Variants in CTNNA2 observed in about 807,000 individuals in gnomAD.
CTNNA2 encodes the protein catenin alpha-2.
Under a neutral mutation model 101.0 loss-of-function variants are expected in CTNNA2, and 42 were observed. The observed-to-expected ratio is 0.42, with a 90% CI of 0.32 to 0.54. The LOEUF (loss-of-function observed/expected upper bound fraction) is 0.54. Ranked by LOEUF, CTNNA2 falls within the 20% of genes least tolerant of loss-of-function variation. The pLI is 0.14. For synonymous variants in CTNNA2, 450 were observed against 456.4 expected (o/e 0.99, Z 0.18); for missense variants, 871 against 1,223.1 (o/e 0.71, Z 4.29).
intron 7 of CTNNA2, among the ~76,000 whole-genome samples, chr2:80,097,487 G>A (rs896142311): frequency 2.0e-5 from 3 of 152,006 alleles, no homozygotes; most frequent in East Asian, 1.9e-4. Context: ...ATGTGTCTTG[G>A]AGTTGCTCTT....
At chr2:80,065,770 A>C (rs1453832123) in intron 7 of CTNNA2, among the ~76,000 whole-genome samples, 1 of 152,194 alleles carries the variant, frequency 6.6e-6, no homozygotes, top group Non-Finnish European at 1.5e-5. Flanking sequence ...CTCACAAAGC[A>C]TCAGCTATCA....
chr2:79,633,538 G>T (rs1679829214), intron 1 of CTNNA2, among the ~76,000 whole-genome samples: 1 of 152,232 alleles, frequency 6.6e-6, no homozygotes. Context: ...ATATTTGAAT[G>T]AGCTGTGATT....
intron 7 of CTNNA2, among the ~76,000 whole-genome samples, chr2:79,990,153 G>A (rs1175605625): frequency 6.6e-6 from 1 of 152,150 alleles, no homozygotes; most frequent in African/African-American, 2.4e-5. Flanking sequence ...GGGATGGCAG[G>A]TAGATTTAGA....
At chr2:80,108,915 A>G (rs1356998010) in intron 7 of CTNNA2, among the ~76,000 whole-genome samples, 1 of 151,286 alleles carries the variant, frequency 6.6e-6, no homozygotes, top group Non-Finnish European at 1.5e-5. Flanking sequence ...TAAACAAAAC[A>G]CACACCAGTT....
chr2:80,111,479 T>A (rs1701205251), intron 7 of CTNNA2, among the ~76,000 whole-genome samples: 1 of 152,224 alleles, frequency 6.6e-6, no homozygotes, highest in South Asian at 2.1e-4. Context: ...TTTACTTATA[T>A]ATAGAATGTG....
intron 7 of CTNNA2, among the ~76,000 whole-genome samples, chr2:80,043,129 C>CT (rs1558755365): frequency 1.9e-4 from 7 of 37,250 alleles, no homozygotes; most frequent in African/African-American, 7.4e-4. Flanking sequence ...CTCCTTCCTT[C>CT]CTTCCTTCCT....
intron 4 of CTNNA2, among the ~76,000 whole-genome samples, chr2:79,496,120 A>C (rs564003486): frequency 6.6e-6 from 1 of 152,278 alleles, no homozygotes; most frequent in African/African-American, 2.4e-5. Flanking sequence ...ATTGAATTGT[A>C]TACTTTAAAT....
At chr2:80,385,191 G>A (rs1353177476) in intron 7 of CTNNA2, among the ~76,000 whole-genome samples, 1 of 152,118 alleles carries the variant, frequency 6.6e-6, no homozygotes, top group Non-Finnish European at 1.5e-5. Context: ...AACCTCCAAT[G>A]TGATGGTATT....
chr2:79,776,436 C>T (rs190804501), intron 3 of CTNNA2, among the ~76,000 whole-genome samples: 2 of 152,226 alleles, frequency 1.3e-5, no homozygotes, highest in East Asian at 3.9e-4. Flanking sequence ...TAGAAAGCTA[C>T]ACTGAAGGTT....
chr2:79,902,515 A>G (rs906865191), intron 6 of CTNNA2, among the ~76,000 whole-genome samples: 5 of 152,172 alleles, frequency 3.3e-5, no homozygotes, highest in Non-Finnish European at 5.9e-5. Context: ...TCATATACTT[A>G]TAATCAACCT....
Position 79,220,634 on chromosome 2 carries a change from A to G in CTNNA2, c.-406+22558A>G, listed in dbSNP as rs190553518. Among the ~76,000 whole-genome samples, 316 of 152,294 alleles carry G rather than the reference A, an allele frequency of 2.1e-3. 1 individual carries two copies. Among genetic ancestry groups the G allele is most frequent in the African/African-American group, 7.4e-3 (309 of 41,548 alleles). On this transcript the variant is annotated intron_variant, in intron 2 of 21. Coordinates refer to the CTNNA2 transcript ENST00000466387. ...ATGGGCATTGTACATTCTCTACATG[A>G]CAAGGTATTCTACTTTGGTAGAAAA... is the stretch of plus-strand genomic sequence containing the variant.
chr2:80,281,723 G>C (rs1674396267), intron 7 of CTNNA2, among the ~76,000 whole-genome samples: 1 of 151,920 alleles, frequency 6.6e-6, no homozygotes, highest in Non-Finnish European at 1.5e-5. Flanking sequence ...CAGTTGTATA[G>C]TTAATTATAG....
At chr2:79,860,731 T>C (rs1681559496) in intron 4 of CTNNA2, among the ~76,000 whole-genome samples, 1 of 152,116 alleles carries the variant, frequency 6.6e-6, no homozygotes. Context: ...TGCTATCTTG[T>C]GGAGCAAGTG....
rs181983211 is a variant in CTNNA2 at position 80,556,860 on chromosome 2, G to A, written c.1741+967G>A. Among the ~76,000 whole-genome samples the A allele has an allele frequency of 2.6e-3, 397 of 152,284 alleles. 3 individuals carry two copies. The highest frequency in any genetic ancestry group is 9.0e-3 in the African/African-American group (375 of 41,552). ...GGGCCTCTCCCCTCAAACCCTAAGGGGGACCTTCATAGGTTTGCCTATGAG... is the reference window on the plus strand; with the variant it reads ...GGGCCTCTCCCCTCAAACCCTAAGGAGGACCTTCATAGGTTTGCCTATGAG... On this transcript the variant is annotated intron_variant, in intron 12 of 18. Coordinates refer to ENST00000402739, the MANE Select transcript of CTNNA2 (RefSeq NM_001282597.3).
At chr2:79,462,075 G>A (rs897056993) in intron 4 of CTNNA2, among the ~76,000 whole-genome samples, 30 of 152,082 alleles carry the variant, frequency 2.0e-4, no homozygotes, top group Non-Finnish European at 4.3e-4. Flanking sequence ...AAAGGGAAAA[G>A]TTACAAATAA....
chr2:79,259,438 G>T (rs1426406202), intron 2 of CTNNA2, among the ~76,000 whole-genome samples: 1 of 152,154 alleles, frequency 6.6e-6, no homozygotes, highest in Non-Finnish European at 1.5e-5. Context: ...CCATTCAGAG[G>T]TGAACAGGAA....
At chr2:79,779,755 G>T (rs1029221068) in intron 3 of CTNNA2, among the ~76,000 whole-genome samples, 7 of 152,056 alleles carry the variant, frequency 4.6e-5, no homozygotes, top group African/African-American at 1.7e-4. Flanking sequence ...ATTGCAGGAT[G>T]AGCTTGAAAG....
At chr2:79,797,076 C>G (rs1422600697) in intron 3 of CTNNA2, among the ~76,000 whole-genome samples, 1 of 152,132 alleles carries the variant, frequency 6.6e-6, no homozygotes, top group Non-Finnish European at 1.5e-5. Context: ...TTTCAAAATG[C>G]AAACAATGTA....
At chr2:79,363,331 T>C (rs1677672335) in intron 3 of CTNNA2, among the ~76,000 whole-genome samples, 1 of 152,162 alleles carries the variant, frequency 6.6e-6, no homozygotes, top group Non-Finnish European at 1.5e-5. Context: ...ACACTTATAA[T>C]TGCATTTTAT....
Sources: gnomAD v4.1 joint callset for allele counts (sites outside exome capture counted in the v4.1 genomes callset) on GRCh38, gnomAD v4.1.1 for gene constraint, MANE v1.5 for transcripts, NCBI Gene and HGNC (gene_info 2026-07-23, HGNC 2026-07-21) for gene names.